CHST12: variants seen among roughly 807,000 people sequenced by gnomAD.
CHST12 encodes carbohydrate (chondroitin 4) sulfotransferase 12.
A neutral mutation model predicts 27.9 loss-of-function variants in CHST12; 23 were observed. The ratio of observed to expected loss-of-function variants is 0.82; its 90% CI spans 0.59 to 1.17. The LOEUF is 1.17. Ranked by LOEUF, CHST12 falls within the 50% of genes most tolerant of loss-of-function variation. The probability of loss-of-function intolerance (pLI) is 0.00; values close to 1 mark genes in which losing one functional copy is unlikely to be tolerated. For missense variants in CHST12, 682 were observed against 603.0 expected, an observed-to-expected ratio of 1.13 and a Z score of -1.37; for synonymous variants, 322 against 273.0, an observed-to-expected ratio of 1.18 and a Z score of -1.77.
At chr7:2,405,675 G>T (rs1025692105) in intron 1 of CHST12, among the ~76,000 whole-genome samples, 2 of 152,282 alleles carry the variant, frequency 1.3e-5, no homozygotes, top group East Asian at 3.9e-4. Context: ...GGAGCTGAAA[G>T]ATGTTGCCAA....
intron 1 of CHST12, among the ~76,000 whole-genome samples, chr7:2,414,387 G>A (rs1327053620): frequency 1.3e-5 from 2 of 151,906 alleles, no homozygotes; most frequent in African/African-American, 2.4e-5. Context: ...GGGTTCAAGC[G>A]ATTCTCTTGC....
chr7:2,405,425 CAG>C (rs986404813), intron 1 of CHST12, among the ~76,000 whole-genome samples: 2 of 152,034 alleles, frequency 1.3e-5, no homozygotes, highest in East Asian at 1.9e-4. Context: ...GCCTGGGCAA[CAG>C]AGTAAAAAAA....
At position 2,443,447 on chromosome 7, in the gene CHST12, A is replaced by G. The variant is rs971609329; in HGVS notation, c.*9563A>G. The stretch of plus-strand genomic sequence containing the variant: ...AAAAGCATATACCTCTGCCCCATCC[A>G]TGGAAAAATTGCCTCTCATGAAACC... On this transcript the variant is annotated 3_prime_UTR_variant, in exon 2 of 2. Transcript: ENST00000618655. 7 of 152,264 alleles carry G rather than the reference A, an allele frequency of 4.6e-5. No homozygotes were observed. Among genetic ancestry groups the G allele is most frequent in the African/African-American group, 1.7e-4 (7 of 41,438 alleles). The allele number at this position is 152,264 out of a possible 1,614,324, so 9.4% of individuals were successfully genotyped here. A position where few individuals can be genotyped will look rare whatever the true frequency, so the allele number is the denominator to read the frequency against.
Position 2,432,916 on chromosome 7 carries a change from G to A in CHST12, c.277G>A (p.Ala93Thr), listed in dbSNP as rs759592836. 1.9e-6 allele frequency: 3 copies of A among 1,613,072 alleles called. No individual in the cohort carries two copies. The South Asian group carries it at 3.3e-5, about 18-fold the overall frequency. The change falls in exon 2 of 2, where the codon GCG (alanine) becomes ACG (threonine). Residue 93 changes from alanine (A) to threonine (T), a missense_variant. Ala to Thr is a moderately conservative substitution (Grantham distance 58). Coordinates refer to ENST00000618655, the MANE Select transcript of CHST12 (RefSeq NM_018641.5). Reference sequence around the variant, plus strand: ...CAGAAAGGAGACGGAGCAGCCGCCTGCGCCGGGGAGCATGGAGGAGAGCGT... The same window carrying A: ...CAGAAAGGAGACGGAGCAGCCGCCTACGCCGGGGAGCATGGAGGAGAGCGT... ...LPRKETEQPP[A>T]PGSMEESVRG...
Position 2,437,492 on chromosome 7 carries a change from C to G in CHST12, c.*3608C>G, listed in dbSNP as rs759086442. 4 of 152,258 alleles carry G rather than the reference C, an allele frequency of 2.6e-5. No homozygotes were observed. Among genetic ancestry groups the G allele is most frequent in the Non-Finnish European group, 5.9e-5 (4 of 68,060 alleles). 9.4% of individuals were successfully genotyped at this position (152,258 alleles called of 1,614,324 possible). A position where few individuals can be genotyped will look rare whatever the true frequency, so the allele number is the denominator to read the frequency against. Reference sequence around the variant, plus strand: ...ATGCTTCTTCATTCGCTGATACTTACAACCCCCAGTGGATATTTAGTGGAG... The same window carrying G: ...ATGCTTCTTCATTCGCTGATACTTAGAACCCCCAGTGGATATTTAGTGGAG... On this transcript the variant is annotated 3_prime_UTR_variant, in exon 2 of 2. Coordinates refer to ENST00000618655, the MANE Select transcript of CHST12 (RefSeq NM_018641.5).
chr7:2,447,443 C>T lies in CHST12; in HGVS notation c.*13559C>T, dbSNP rs1782783065. The T allele has an allele frequency of 6.6e-6, 1 of 152,314 alleles. No homozygotes were observed. The highest frequency in any genetic ancestry group is 1.5e-5 in the Non-Finnish European group (1 of 68,106). The allele number at this position is 152,314 out of a possible 1,614,324, so 9.4% of individuals were successfully genotyped here. A position where few individuals can be genotyped will look rare whatever the true frequency, so the allele number is the denominator to read the frequency against. ...AAGGTACTTCTTGCTGTGGTCCCCACACTCTGACACCCTCTTCTGAAATGA... is the reference window on the plus strand; with the variant it reads ...AAGGTACTTCTTGCTGTGGTCCCCATACTCTGACACCCTCTTCTGAAATGA... On this transcript the variant is annotated 3_prime_UTR_variant, in exon 2 of 2. Coordinates refer to ENST00000618655, the MANE Select transcript of CHST12 (RefSeq NM_018641.5).
Position 2,433,428 on chromosome 7 carries a change from C to T in CHST12, c.789C>T (p.Asn263=), listed in dbSNP as rs754781266. Residue 263 remains asparagine (N), a synonymous_variant, in exon 2 of 2, where the codon AAC becomes AAT. Coordinates refer to ENST00000618655, the MANE Select transcript of CHST12 (RefSeq NM_018641.5). The surrounding 1 kb of genome is among the most constrained non-coding windows in gnomAD (Gnocchi z 6.1). Reference sequence around the variant, plus strand: ...TCCGCAGCAAGTTCGAGCTGGAGAACGAGGAGTTCTACCGCAAGTTCGCCG... The same window carrying T: ...TCCGCAGCAAGTTCGAGCTGGAGAATGAGGAGTTCTACCGCAAGTTCGCCG... The part of the protein sequence containing the change: ...SAFRSKFELE[N]EEFYRKFAVP... 4.3e-6 allele frequency: 7 copies of T among 1,609,646 alleles called. No homozygotes were observed. Among genetic ancestry groups the T allele is most frequent in the East Asian group, 2.2e-5 (1 of 44,888 alleles).
rs1409712802 is a variant in CHST12 at position 2,445,273 on chromosome 7, A to C, written c.*11389A>C. The C allele has an allele frequency of 6.6e-6, 1 of 152,114 alleles. No homozygotes were observed. Among genetic ancestry groups the C allele is most frequent in the Non-Finnish European group, 1.5e-5 (1 of 68,060 alleles). 9.4% of individuals were successfully genotyped at this position (152,114 alleles called of 1,614,324 possible). On this transcript the variant is annotated 3_prime_UTR_variant, in exon 2 of 2. Coordinates refer to ENST00000618655, the MANE Select transcript of CHST12 (RefSeq NM_018641.5). ...CCCTTGTCCTGGGATGTTGTGGAGGACTTGGCACGCCCTGTCTCAGGCCTG... is the reference window on the plus strand; with the variant it reads ...CCCTTGTCCTGGGATGTTGTGGAGGCCTTGGCACGCCCTGTCTCAGGCCTG...
chr7:2,424,380 C>T (rs1562515834), intron 1 of CHST12, among the ~76,000 whole-genome samples: 1 of 149,524 alleles, frequency 6.7e-6, no homozygotes, highest in South Asian at 2.2e-4. Flanking sequence ...ACAGAAGTTG[C>T]AGAGGTGGAT....
intron 1 of CHST12, among the ~76,000 whole-genome samples, chr7:2,418,132 TG>T (rs1273335275): frequency 3.3e-5 from 5 of 152,238 alleles, no homozygotes; most frequent in Non-Finnish European, 7.3e-5. Flanking sequence ...TTTGGACCAG[TG>T]GCCTTGCGTG....
intron 1 of CHST12, among the ~76,000 whole-genome samples, chr7:2,418,828 A>G (rs1347053015): frequency 6.6e-6 from 1 of 152,066 alleles, no homozygotes; most frequent in African/African-American, 2.4e-5. Flanking sequence ...ATGTGGTCTC[A>G]CCCTGTCACC....
In CHST12 at chr7:2,433,293, G is replaced by C. The variant is rs535548651; in HGVS notation, c.654G>C (p.Lys218Asn). The C allele has an allele frequency of 1.7e-5, 28 of 1,612,344 alleles. No homozygotes were observed. In the Admixed American group the frequency reaches 2.0e-4, roughly 12 times the overall value. The part of the protein sequence containing the change: ...HNASAHLTFN[K>N]FWRRYGKLSR... Reference sequence around the variant, plus strand: ...CCAGCGCGCACCTGACCTTCAACAAGTTCTGGCGCCGCTACGGGAAGCTCT... The same window carrying C: ...CCAGCGCGCACCTGACCTTCAACAACTTCTGGCGCCGCTACGGGAAGCTCT... Residue 218 changes from lysine to asparagine, a missense_variant, in exon 2 of 2, where the codon AAG (lysine) becomes AAC (asparagine). Physicochemically the swap from Lys to Asn is moderately conservative, Grantham distance 94 (BLOSUM62 0). Transcript: ENST00000618655. The surrounding 1 kb of genome is among the most constrained non-coding windows in gnomAD (Gnocchi z 6.1).
At position 2,432,944 on chromosome 7, in the gene CHST12, G is replaced by A. The variant is rs1423730964; in HGVS notation, c.305G>A (p.Arg102Lys). The A allele has an allele frequency of 6.2e-7, 1 of 1,612,250 alleles. No homozygotes were observed. Among genetic ancestry groups the A allele is most frequent in the South Asian group, 1.1e-5 (1 of 91,060 alleles). ...PAPGSMEESVRGYDWSPRDAR... is the reference protein window; with the variant it reads ...PAPGSMEESVKGYDWSPRDAR... ...CCGGGGAGCATGGAGGAGAGCGTGA[G>A]AGGCTACGACTGGTCCCCGCGCGAC... Residue 102 changes from arginine (R) to lysine (K), a missense_variant, in exon 2 of 2, where the codon AGA becomes AAA. Arg to Lys is a conservative substitution (Grantham distance 26). Transcript: ENST00000618655.
rs1204340651 is a variant in CHST12, at chr7:2,433,683, C to T, written c.1044C>T (p.Asp348=). 5.0e-6 allele frequency: 8 copies of T among 1,613,386 alleles called. No homozygotes were observed. The highest frequency in any genetic ancestry group is 4.5e-5 in the East Asian group (2 of 44,872). The change falls in exon 2 of 2, where the codon GAC becomes GAT. Residue 348 remains aspartate, a synonymous_variant. Coordinates refer to ENST00000618655, the MANE Select transcript of CHST12 (RefSeq NM_018641.5). The surrounding 1 kb of genome is among the most constrained non-coding windows in gnomAD (Gnocchi z 6.1). ...GGAAGCTGGAGACTCTGGACGAGGA[C>T]GCCGCGCAGCTGCTGCAGCTACTCC... The part of the protein sequence containing the change: ...FVGKLETLDE[D]AAQLLQLLQV...
At chr7:2,407,611 C>G (rs1781558155) in intron 1 of CHST12, among the ~76,000 whole-genome samples, 1 of 152,158 alleles carries the variant, frequency 6.6e-6, no homozygotes, top group African/African-American at 2.4e-5. Context: ...CCTTCACTTT[C>G]ATAGCCTCTT....
rs1353228713 is a variant in CHST12, at chr7:2,439,784, CAGG to C, written c.*5903_*5905del. 3 of 151,844 alleles carry C rather than the reference CAGG, an allele frequency of 2.0e-5. No homozygotes were observed. The highest frequency in any genetic ancestry group is 7.2e-5 in the African/African-American group (3 of 41,392). 9.4% of individuals were successfully genotyped at this position (151,844 alleles called of 1,614,324 possible). A position where few individuals can be genotyped will look rare whatever the true frequency, so the allele number is the denominator to read the frequency against. On this transcript the variant is annotated 3_prime_UTR_variant, in exon 2 of 2. Transcript: ENST00000618655. ...GTCCCAGCTACTCGGGAGGCTGAGG[CAGG>C]AGAATGGCGTGAACCCGGGAGGCGG...
intron 1 of CHST12, among the ~76,000 whole-genome samples, chr7:2,409,832 G>T (rs997904671): frequency 1.3e-5 from 2 of 152,190 alleles, no homozygotes; most frequent in African/African-American, 4.8e-5. Flanking sequence ...GCCTGCCTCT[G>T]TGCACAGGCC....
At position 2,441,690 on chromosome 7, in the gene CHST12, C is replaced by G. The variant is rs113496114; in HGVS notation, c.*7806C>G. ...CCTGGGTGACAGAGCAAGATCTTGT[C>G]TTAAAAAAAAAAAAAAAAAAAAAGG... On this transcript the variant is annotated 3_prime_UTR_variant, in exon 2 of 2. Coordinates refer to ENST00000618655, the MANE Select transcript of CHST12 (RefSeq NM_018641.5). 1 of 75,550 alleles carries G rather than the reference C, an allele frequency of 1.3e-5. No individual in the cohort carries two copies. The highest frequency in any genetic ancestry group is 6.2e-5 in the African/African-American group (1 of 16,204). 4.7% of individuals were successfully genotyped at this position (75,550 alleles called of 1,614,324 possible).
chr7:2,403,921 C>T (rs1219733543), intron 1 of CHST12, among the ~76,000 whole-genome samples: 2 of 152,106 alleles, frequency 1.3e-5, no homozygotes, highest in Non-Finnish European at 2.9e-5. Context: ...GGGACCCAGC[C>T]CTGGGGCCCT....
Sources: allele counts gnomAD v4.1 joint callset (sites outside exome capture counted in the v4.1 genomes callset), GRCh38; gene constraint gnomAD v4.1.1; non-coding constraint Gnocchi (gnomAD v3.1); transcripts MANE v1.5; gene names NCBI Gene and HGNC (gene_info 2026-07-23, HGNC 2026-07-21).